Variants in THADA observed in about 807,000 individuals in gnomAD.
THADA encodes the protein THADA armadillo repeat containing.
THADA carries 213 observed loss-of-function variants against 219.8 expected under a neutral mutation model. That is an observed-to-expected ratio of 0.97 (90% confidence interval 0.87 to 1.09). The LOEUF (loss-of-function observed/expected upper bound fraction) is 1.09. Among genes scored for constraint, THADA ranks in the 50% least tolerant of loss-of-function variants. The pLI is 0.00. For synonymous variants in THADA, 1,018 were observed against 828.9 expected, an observed-to-expected ratio of 1.23 and a Z score of -3.92; for missense variants, 2,956 against 2,311.3, an observed-to-expected ratio of 1.28 and a Z score of -5.72.
chr2:43,297,689 T>A (rs1157907266), intron 31 of THADA, among the ~76,000 whole-genome samples: 8 of 93,590 alleles, frequency 8.5e-5, no homozygotes, highest in East Asian at 3.2e-4. Flanking sequence ...GAGGAGCCCC[T>A]CAGCCCGGCC....
intron 19 of THADA, among the ~76,000 whole-genome samples, chr2:43,549,910 A>T (rs1696550352): frequency 6.6e-6 from 1 of 152,260 alleles, no homozygotes; most frequent in African/African-American, 2.4e-5. Flanking sequence ...ACCCATCAAC[A>T]GCAAAAACAA....
At chr2:43,259,138 G>A (rs1670664545) in intron 36 of THADA, among the ~76,000 whole-genome samples, 1 of 152,180 alleles carries the variant, frequency 6.6e-6, no homozygotes, top group Admixed American at 6.5e-5. Context: ...AGGGGAGGGG[G>A]TCAGTGAAGC....
chr2:43,495,266 T>C (rs1688123229), intron 25 of THADA, among the ~76,000 whole-genome samples: 1 of 152,158 alleles, frequency 6.6e-6, no homozygotes, highest in African/African-American at 2.4e-5. Flanking sequence ...ACAGTGTTGA[T>C]CATTATAGCT....
chr2:43,572,222 C>G (rs1180674443), intron 12 of THADA, among the ~76,000 whole-genome samples: 1 of 152,190 alleles, frequency 6.6e-6, no homozygotes, highest in Non-Finnish European at 1.5e-5. Flanking sequence ...TCTGCTCCCA[C>G]TCTGGAAACT....
At chr2:43,412,935 G>A (rs999076179) in intron 28 of THADA, among the ~76,000 whole-genome samples, 9 of 152,040 alleles carry the variant, frequency 5.9e-5, no homozygotes, top group African/African-American at 2.2e-4. Flanking sequence ...GCAAGTTATT[G>A]AAGTCATAAT....
At chr2:43,410,018 TAA>T (rs200952206) in intron 28 of THADA, among the ~76,000 whole-genome samples, 20 of 131,992 alleles carry the variant, frequency 1.5e-4, no homozygotes, top group African/African-American at 1.4e-4. Context: ...TCTCATCTCT[TAA>T]AAAAAAAAAA....
At chr2:43,543,752 T>C (rs1479005258) in intron 20 of THADA, among the ~76,000 whole-genome samples, 3 of 152,236 alleles carry the variant, frequency 2.0e-5, no homozygotes, top group African/African-American at 7.2e-5. Context: ...TTTGAGTTCA[T>C]TGTAGATTCT....
chr2:43,557,789 AT>A (rs1173639187), intron 16 of THADA, among the ~76,000 whole-genome samples: 1 of 152,234 alleles, frequency 6.6e-6, no homozygotes, highest in Admixed American at 6.5e-5. Flanking sequence ...TTAGGAAAAA[AT>A]AATTATACAC....
chr2:43,368,655 C>A (rs1284756036), intron 29 of THADA, among the ~76,000 whole-genome samples: 1 of 152,008 alleles, frequency 6.6e-6, no homozygotes, highest in Admixed American at 6.6e-5. Flanking sequence ...GTCTCAGGCT[C>A]CCAAAGTGCT....
intron 21 of THADA, among the ~76,000 whole-genome samples, chr2:43,531,040 A>G (rs1275910840): frequency 6.6e-6 from 1 of 152,232 alleles, no homozygotes. Flanking sequence ...GTCTTTCTTT[A>G]GCACCATGTA....
intron 28 of THADA, among the ~76,000 whole-genome samples, chr2:43,413,738 C>T (rs1477556021): frequency 3.9e-5 from 6 of 152,182 alleles, no homozygotes; most frequent in Non-Finnish European, 7.4e-5. Flanking sequence ...ATGATGGTGA[C>T]AAAATGGTCT....
At chr2:43,591,814 G>C (rs1487794446) in intron 3 of THADA, 138 bp downstream of exon 3, 1 of 390,864 alleles carries the variant, frequency 2.6e-6, no homozygotes, top group South Asian at 5.7e-5. Flanking sequence ...ACAATAAACA[G>C]AAAAAAAAAA....
intron 8 of THADA, among the ~76,000 whole-genome samples, 185 bp from the exon 9 acceptor site, chr2:43,578,792 G>C (rs1700117700): frequency 6.6e-6 from 1 of 152,158 alleles, no homozygotes; most frequent in African/African-American, 2.4e-5. Context: ...GGGTAAAATG[G>C]GATAACTCTT....
intron 25 of THADA, among the ~76,000 whole-genome samples, chr2:43,496,063 T>A (rs1688240148): frequency 6.6e-6 from 1 of 152,198 alleles, no homozygotes; most frequent in Non-Finnish European, 1.5e-5. Flanking sequence ...TTACTCTCAA[T>A]TAGAGGCTTA....
chr2:43,502,385 G>A (rs1011860011), intron 24 of THADA, among the ~76,000 whole-genome samples: 2 of 152,126 alleles, frequency 1.3e-5, no homozygotes, highest in African/African-American at 2.4e-5. Context: ...AGGAGTTCGA[G>A]ACTAGCCTGG....
At chr2:43,577,354 C>T (rs750299350) in intron 9 of THADA, 112 bp from the exon 10 acceptor site, 78 of 848,272 alleles carry the variant, frequency 9.2e-5, no homozygotes, top group Non-Finnish European at 1.3e-4. Flanking sequence ...GGAAAAATGA[C>T]TAAATCCAAA....
At chr2:43,344,948 A>G (rs1667477570) in intron 29 of THADA, among the ~76,000 whole-genome samples, 2 of 152,230 alleles carry the variant, frequency 1.3e-5, no homozygotes, top group Admixed American at 1.3e-4. Flanking sequence ...GACAAAGAAT[A>G]AGGACAAGGG....
intron 26 of THADA, among the ~76,000 whole-genome samples, chr2:43,473,290 A>T (rs1685132770): frequency 6.6e-6 from 1 of 152,090 alleles, no homozygotes; most frequent in African/African-American, 2.4e-5. Flanking sequence ...TACTTTTTAA[A>T]CTTGTTTGTT....
At chr2:43,321,703 T>A (rs575993669) in intron 30 of THADA, among the ~76,000 whole-genome samples, 1 of 152,190 alleles carries the variant, frequency 6.6e-6, no homozygotes, top group Non-Finnish European at 1.5e-5. Context: ...GTTACAGCAA[T>A]AGAAAATGGA....
Sources: gnomAD v4.1 joint callset for allele counts (sites outside exome capture counted in the v4.1 genomes callset) on GRCh38, gnomAD v4.1.1 for gene constraint, MANE v1.5 for transcripts, NCBI Gene and HGNC (gene_info 2026-07-23, HGNC 2026-07-21) for gene names.